EGFR: variants seen among roughly 807,000 people sequenced by gnomAD.
EGFR encodes the protein avian erythroblastic leukemia viral (v-erb-b) oncogene homolog.
EGFR carries 58 observed loss-of-function variants against 143.0 expected under a neutral mutation model. The ratio of observed to expected loss-of-function variants is 0.41; its 90% CI spans 0.33 to 0.50. The LOEUF (loss-of-function observed/expected upper bound fraction) is 0.50. EGFR is among the 20% of genes least tolerant of loss of function. EGFR has a pLI of 0.39. For synonymous variants in EGFR, 613 were observed against 594.4 expected (o/e 1.03, Z -0.45); for missense variants, 1,307 against 1,579.0 (o/e 0.83, Z 2.92).
chr7:55,029,671 G>C (rs1787140899), intron 1 of EGFR, among the ~76,000 whole-genome samples: 1 of 152,168 alleles, frequency 6.6e-6, no homozygotes, highest in African/African-American at 2.4e-5. Context: ...TCCCTGAAAA[G>C]TGGTGTTGTT....
chr7:55,081,150 T>C (rs1263222603), intron 1 of EGFR, among the ~76,000 whole-genome samples: 1 of 152,238 alleles, frequency 6.6e-6, no homozygotes, highest in Non-Finnish European at 1.5e-5. Flanking sequence ...GCAATTTAAT[T>C]TGAACAGAAA....
At chr7:55,163,926 C>A in intron 14 of EGFR, 103 bp downstream of exon 14, 1 of 1,309,286 alleles carries the variant, frequency 7.6e-7, no homozygotes, top group Non-Finnish European at 1.1e-6. Context: ...GCAGGACGGC[C>A]ATCAGAGCCA....
At position 55,205,284 on chromosome 7, in the gene EGFR, G is replaced by A. The variant is rs2128975115; in HGVS notation, c.3300G>A (p.Arg1100=). ...ACATAAACCAGTCCGTTCCCAAAAG[G>A]CCCGCTGGCTCTGTGCAGAATCCTG... ...PEYINQSVPK[R]PAGSVQNPVY... is the part of the protein sequence containing the mutation. The change falls in exon 28 of 28, where the codon AGG becomes AGA. Residue 1100 remains arginine, a synonymous_variant. Coordinates refer to ENST00000275493, the MANE Select transcript of EGFR (RefSeq NM_005228.5). 2 of 1,612,924 alleles carry A rather than the reference G, an allele frequency of 1.2e-6. No individual in the cohort carries two copies. The highest frequency in any genetic ancestry group is 2.2e-5 in the South Asian group (2 of 90,806).
intron 1 of EGFR, among the ~76,000 whole-genome samples, chr7:55,101,310 A>G (rs1436567650): frequency 6.6e-6 from 1 of 152,188 alleles, no homozygotes; most frequent in Non-Finnish European, 1.5e-5. Flanking sequence ...ACTGAGGTAC[A>G]CTCAGATGTG....
Position 55,019,174 on chromosome 7 carries a change from C to T in EGFR, c.-104C>T. ...GACAGGCCACCTCGTCGGCGTCCGCCCGAGTCCCCGCCTCGCCGCCAACGC... is the reference window on the plus strand; with the variant it reads ...GACAGGCCACCTCGTCGGCGTCCGCTCGAGTCCCCGCCTCGCCGCCAACGC... On this transcript the variant is annotated 5_prime_UTR_variant, in exon 1 of 28. Coordinates refer to ENST00000275493, the MANE Select transcript of EGFR (RefSeq NM_005228.5). 1 of 983,132 alleles carries T rather than the reference C, an allele frequency of 1.0e-6. No homozygotes were observed. The highest frequency in any genetic ancestry group is 1.4e-6 in the Non-Finnish European group (1 of 693,560). The allele number at this position is 983,132 out of a possible 1,614,324, so 60.9% of individuals were successfully genotyped here.
At chr7:55,159,817 G>A (rs17289984) in intron 11 of EGFR, among the ~76,000 whole-genome samples, 16,720 of 152,254 alleles carry the variant, frequency 0.11, 1,174 homozygotes, top group Non-Finnish European at 0.16. Flanking sequence ...GTATTTGGCT[G>A]TTTGAGAGGT....
chr7:55,043,217 C>CT, intron 1 of EGFR, among the ~76,000 whole-genome samples: 1 of 152,250 alleles, frequency 6.6e-6, no homozygotes, highest in East Asian at 1.9e-4. Flanking sequence ...ATGTTAAGGT[C>CT]TAAACCAGTA....
intron 1 of EGFR, among the ~76,000 whole-genome samples, chr7:55,094,367 G>A (rs1351817410): frequency 5.3e-5 from 8 of 152,330 alleles, no homozygotes; most frequent in South Asian, 2.1e-4. Flanking sequence ...GGGGGGCAGG[G>A]GGGGCCTCAC....
intron 22 of EGFR, among the ~76,000 whole-genome samples, chr7:55,197,730 G>C (rs1489606229): frequency 6.6e-6 from 1 of 152,170 alleles, no homozygotes; most frequent in South Asian, 2.1e-4. Flanking sequence ...TTTATTGAGA[G>C]CCTTTTCTGC....
At chr7:55,098,613 C>T (rs1450666267) in intron 1 of EGFR, among the ~76,000 whole-genome samples, 1 of 152,128 alleles carries the variant, frequency 6.6e-6, no homozygotes, top group Non-Finnish European at 1.5e-5. Flanking sequence ...GTACTGTATG[C>T]ATATTGTTGT....
In EGFR at chr7:55,209,383, A is replaced by G. The variant is rs1788186215; in HGVS notation, c.*3766A>G. 1 of 151,956 alleles carries G rather than the reference A, an allele frequency of 6.6e-6. No homozygotes were observed. Among genetic ancestry groups the G allele is most frequent in the Admixed American group, 6.5e-5 (1 of 15,272 alleles). The allele number at this position is 151,956 out of a possible 1,614,324, so 9.4% of individuals were successfully genotyped here. ...TTTCAAAAGCGTTCAATTCATCCTC[A>G]CCAGCAGTTCAGCTGGAAAGGGGCA... On this transcript the variant is annotated 3_prime_UTR_variant, in exon 28 of 28. Coordinates refer to ENST00000275493, the MANE Select transcript of EGFR (RefSeq NM_005228.5).
chr7:55,152,954 C>T (rs985048508), intron 6 of EGFR, among the ~76,000 whole-genome samples: 1 of 152,200 alleles, frequency 6.6e-6, no homozygotes, highest in Non-Finnish European at 1.5e-5. Flanking sequence ...CTGTGATGTC[C>T]GTCATTAGGA....
chr7:55,201,369 GTCTCTC>G lies in EGFR; in HGVS notation c.3114+25_3114+30del. ...CTGAGCTCTCTGGTATGAAATCTCT[GTCTCTC>G]TCTCTCTCTCAAGCTGTGTCTACTC... On this transcript the variant is annotated intron_variant, in intron 25 of 27. Transcript: ENST00000275493. 1 of 1,605,684 alleles carries G rather than the reference GTCTCTC, an allele frequency of 6.2e-7. No homozygotes were observed. The highest frequency in any genetic ancestry group is 8.5e-7 in the Non-Finnish European group (1 of 1,174,518).
intron 6 of EGFR, among the ~76,000 whole-genome samples, 199 bp from the exon 7 acceptor site, chr7:55,153,812 A>G (rs953532772): frequency 2.6e-5 from 4 of 152,196 alleles, no homozygotes; most frequent in Admixed American, 2.6e-4. Flanking sequence ...CACCTAAGAA[A>G]AAAATGGACT....
intron 20 of EGFR, 45 bp downstream of exon 20, chr7:55,181,523 G>T (rs753430841): frequency 1.1e-5 from 17 of 1,613,196 alleles, no homozygotes; most frequent in Non-Finnish European, 1.4e-5. Context: ...AAGGAGCCAG[G>T]ATCCTCACAT....
At chr7:55,203,388 T>G (rs1562808266) in intron 27 of EGFR, among the ~76,000 whole-genome samples, 1 of 140,992 alleles carries the variant, frequency 7.1e-6, no homozygotes, top group African/African-American at 2.7e-5. Context: ...CACACATACA[T>G]ACAGACACAC....
intron 13 of EGFR, among the ~76,000 whole-genome samples, chr7:55,162,707 CAG>C (rs1199604110): frequency 1.3e-5 from 2 of 152,312 alleles, no homozygotes; most frequent in Non-Finnish European, 2.9e-5. Context: ...GGCAGTGACC[CAG>C]AGAAGAAGCA....
intron 25 of EGFR, 133 bp from the exon 26 acceptor site, chr7:55,201,602 A>AAAACTAACG (rs776027926): frequency 1.6e-6 from 2 of 1,286,348 alleles, no homozygotes; most frequent in Non-Finnish European, 2.3e-6. Flanking sequence ...TAGTTGCTCT[A>AAAACTAACG]AAACTAACGA....
intron 27 of EGFR, chr7:55,202,890 G>A (rs1282504972): frequency 9.2e-6 from 6 of 652,008 alleles, no homozygotes; most frequent in South Asian, 3.5e-5. Flanking sequence ...AGCAAATCAC[G>A]GACATACACA....
Sources: gnomAD v4.1 joint callset for allele counts (sites outside exome capture counted in the v4.1 genomes callset) on GRCh38, gnomAD v4.1.1 for gene constraint, MANE v1.5 for transcripts, NCBI Gene and HGNC (gene_info 2026-07-23, HGNC 2026-07-21) for gene names.